Variants in ABCA4 observed in about 807,000 individuals in gnomAD.
The protein encoded by ABCA4 is ATP binding cassette subfamily A member 4, also known as retinal-specific phospholipid-transporting ATPase ABCA4.
ABCA4 carries 196 observed loss-of-function variants against 263.7 expected under a neutral mutation model. That is an observed-to-expected ratio of 0.74 (90% CI 0.66 to 0.84). ABCA4 has a LOEUF of 0.84. ABCA4 is among the 40% of genes least tolerant of loss of function. The pLI is 0.00. For missense variants in ABCA4, 2,792 were observed against 2,855.1 expected (o/e 0.98, Z 0.50); for synonymous variants, 1,133 against 1,094.2 (o/e 1.04, Z -0.70).
intron 43 of ABCA4, 138 bp downstream of exon 43, chr1:94,007,496 C>T (rs1659423344): frequency 3.9e-6 from 3 of 776,172 alleles, no homozygotes; most frequent in Middle Eastern, 2.6e-4. Context: ...GGGCCATGCT[C>T]TCTGGGAGGC....
rs4147845 is a variant in ABCA4 at position 94,029,861 on chromosome 1, C to T, written c.4353-230G>A. Among the ~76,000 whole-genome samples, 63,483 of 151,820 alleles carry T rather than the reference C, an allele frequency of 0.42. 13,877 individuals carry two copies. Among genetic ancestry groups the T allele is most frequent in the Non-Finnish European group, 0.49 (33,299 of 67,872 alleles). ...CTCTAGCTTGTGGATCGTTTTGTCT[C>T]CCTTTTTATTCCTAGCAGCTCTAGC... On this transcript the variant is annotated intron_variant, in intron 29 of 49. Transcript: ENST00000370225.
At position 94,024,830 on chromosome 1, in the gene ABCA4, A is replaced by T. The variant is rs947046860; in HGVS notation, c.4634+124T>A. On this transcript the variant is annotated intron_variant, in intron 31 of 49. Coordinates refer to ENST00000370225, the MANE Select transcript of ABCA4 (RefSeq NM_000350.3). ...ATGTTGAATGGGGCCCTCAAATCAGATAAAAAAGAAAAAAATCTACTGCCC... is the reference window on the plus strand; with the variant it reads ...ATGTTGAATGGGGCCCTCAAATCAGTTAAAAAAGAAAAAAATCTACTGCCC... 4.8e-6 allele frequency: 4 copies of T among 828,632 alleles called. No homozygotes were observed. The East Asian group carries it at 1.1e-4, about 22-fold the overall frequency. The allele number at this position is 828,632 out of a possible 1,614,324, so 51.3% of individuals were successfully genotyped here. A position where few individuals can be genotyped will look rare whatever the true frequency, so the allele number is the denominator to read the frequency against.
intron 45 of ABCA4, chr1:94,001,592 C>G (rs1340793772): frequency 1.6e-6 from 1 of 634,960 alleles, no homozygotes; most frequent in East Asian, 3.3e-5. Context: ...AACTTCCCGG[C>G]TGTGAGCCGA....
At chr1:94,120,483 C>G (rs964297792) in intron 1 of ABCA4, among the ~76,000 whole-genome samples, 1 of 152,172 alleles carries the variant, frequency 6.6e-6, no homozygotes, top group East Asian at 1.9e-4. Flanking sequence ...GTGACTTGAT[C>G]GTGAGCTGCA....
chr1:94,048,527 G>A (rs554393521), intron 18 of ABCA4, among the ~76,000 whole-genome samples: 7 of 152,266 alleles, frequency 4.6e-5, no homozygotes, highest in Middle Eastern at 3.4e-3. Flanking sequence ...GCTCATATCC[G>A]CTTTAAGTCC....
chr1:94,079,530 G>T (rs1226057863), intron 8 of ABCA4, 69 bp from the exon 9 acceptor site: 2 of 1,603,418 alleles, frequency 1.2e-6, no homozygotes, highest in African/African-American at 2.7e-5. Flanking sequence ...AGTCATTAGT[G>T]TATCCACATC....
At chr1:93,999,399 C>T (rs927646508) in intron 47 of ABCA4, among the ~76,000 whole-genome samples, 4 of 152,192 alleles carry the variant, frequency 2.6e-5, no homozygotes, top group Non-Finnish European at 4.4e-5. Flanking sequence ...CATAAAGACA[C>T]GTGGACCAGT....
chr1:94,022,034 A>G (rs1659917245), intron 32 of ABCA4, 83 bp from the exon 33 acceptor site: 6 of 1,200,248 alleles, frequency 5.0e-6, no homozygotes, highest in Non-Finnish European at 6.2e-6. Context: ...GTAGGGAAAC[A>G]TGAACTTTCG....
chr1:94,007,785 G>T (rs773339084), intron 42 of ABCA4, 45 bp from the exon 43 acceptor site: 9 of 1,551,320 alleles, frequency 5.8e-6, no homozygotes, highest in Non-Finnish European at 4.5e-6. Flanking sequence ...GATCAAGAAG[G>T]TCTAAAATGT....
chr1:94,095,486 C>G (rs900874216), intron 6 of ABCA4, among the ~76,000 whole-genome samples: 1 of 152,160 alleles, frequency 6.6e-6, no homozygotes, highest in African/African-American at 2.4e-5. Flanking sequence ...AGAAACAGCC[C>G]AGAACAGAAG....
chr1:94,011,174 T>C lies in ABCA4; in HGVS notation c.5584+88A>G, dbSNP rs1659535748. ...AAGGTCCCCTCCTAGCACCAGCCCC[T>C]GCCACAGTCTGATGCAGGAGCCCCC... On this transcript the variant is annotated intron_variant, in intron 39 of 49. Transcript: ENST00000370225. The C allele has an allele frequency of 1.9e-6, 3 of 1,606,938 alleles. No individual in the cohort carries two copies. In the East Asian group the frequency reaches 6.7e-5, roughly 36 times the overall value.
intron 45 of ABCA4, chr1:94,001,637 G>A (rs951569684): frequency 4.2e-6 from 3 of 714,846 alleles, no homozygotes; most frequent in African/African-American, 3.5e-5. Context: ...AACGCAGGAT[G>A]TGCGCAGTCC....
intron 44 of ABCA4, among the ~76,000 whole-genome samples, chr1:94,002,548 G>A (rs1404408452): frequency 1.3e-5 from 2 of 152,260 alleles, no homozygotes; most frequent in Non-Finnish European, 2.9e-5. Flanking sequence ...TGACAGTGCT[G>A]TGAGGGAACG....
chr1:94,049,377 G>A (rs996113668), intron 17 of ABCA4, among the ~76,000 whole-genome samples: 6 of 152,196 alleles, frequency 3.9e-5, no homozygotes, highest in Non-Finnish European at 7.3e-5. Context: ...TGTAATCCCA[G>A]CACTTTGGGA....
At position 94,060,449 on chromosome 1, in the gene ABCA4, A is replaced by C. The variant is rs576832156; in HGVS notation, c.2160+88T>G. 64 of 1,264,536 alleles carry C rather than the reference A, an allele frequency of 5.1e-5. No individual in the cohort carries two copies. In the South Asian group the frequency reaches 6.4e-4, roughly 13 times the overall value. The allele number at this position is 1,264,536 out of a possible 1,614,324, so 78.3% of individuals were successfully genotyped here. A position where few individuals can be genotyped will look rare whatever the true frequency, so the allele number is the denominator to read the frequency against. ...AGATGTCACGCTCTCCTTGGTGGCC[A>C]CATGACTAATCCAGGCACATGAACA... is the stretch of plus-strand genomic sequence containing the variant. On this transcript the variant is annotated intron_variant, in intron 14 of 49. Transcript: ENST00000370225.
intron 17 of ABCA4, among the ~76,000 whole-genome samples, chr1:94,050,211 A>T (rs1335280414): frequency 6.6e-6 from 1 of 152,186 alleles, no homozygotes; most frequent in Non-Finnish European, 1.5e-5. Flanking sequence ...AGTTCCTTTG[A>T]TCACTTTACT....
chr1:93,998,593 A>G (rs1659078122), intron 47 of ABCA4, among the ~76,000 whole-genome samples: 1 of 152,158 alleles, frequency 6.6e-6, no homozygotes. Context: ...TAGGAGAGAA[A>G]AACCATGGTA....
At chr1:94,110,150 G>A (rs948650522) in intron 3 of ABCA4, among the ~76,000 whole-genome samples, 6 of 152,352 alleles carry the variant, frequency 3.9e-5, no homozygotes, top group Middle Eastern at 3.4e-3. Flanking sequence ...GGCAGTGCTT[G>A]CAGCAATATG....
Position 94,080,625 on chromosome 1 carries a change from T to C in ABCA4, c.952A>G (p.Ile318Val). 1 of 1,614,180 alleles carries C rather than the reference T, an allele frequency of 6.2e-7. No homozygotes were observed. Among genetic ancestry groups the C allele is most frequent in the Non-Finnish European group, 8.5e-7 (1 of 1,180,040 alleles). ...TAGCCACACAGGAGGTCAGACAGGATGCCCATCAGCTTTGTAAAGGTCTCT... is the reference window on the plus strand; with the variant it reads ...TAGCCACACAGGAGGTCAGACAGGACGCCCATCAGCTTTGTAAAGGTCTCT... ...GPETFTKLMGILSDLLCGYPE... is the reference protein window; with the variant it reads ...GPETFTKLMGVLSDLLCGYPE... Residue 318 changes from isoleucine (I) to valine (V), a missense_variant, in exon 8 of 50, where the codon ATC (isoleucine) becomes GTC (valine). By Grantham distance (29) the Ile-to-Val change is conservative. Coordinates refer to ENST00000370225, the MANE Select transcript of ABCA4 (RefSeq NM_000350.3).
Sources: gnomAD v4.1 joint callset for allele counts (sites outside exome capture counted in the v4.1 genomes callset) on GRCh38, gnomAD v4.1.1 for gene constraint, MANE v1.5 for transcripts, NCBI Gene and HGNC (gene_info 2026-07-23, HGNC 2026-07-21) for gene names.